FBXO8: variants seen among roughly 807,000 people sequenced by gnomAD.
FBXO8 encodes the protein F-box protein 8, also known as F-box only protein 8.
A neutral mutation model predicts 33.4 loss-of-function variants in FBXO8; 15 were observed. The observed-to-expected ratio is 0.45, with a 90% confidence interval of 0.30 to 0.69. The LOEUF is 0.69. Ranked by LOEUF, FBXO8 falls within the 30% of genes least tolerant of loss-of-function variation. FBXO8 has a pLI of 0.08. For synonymous variants in FBXO8, 132 were observed against 131.5 expected (o/e 1.00, Z -0.02); for missense variants, 274 against 380.3 (o/e 0.72, Z 2.32).
chr4:174,268,687 T>C lies in FBXO8; in HGVS notation c.-8-5587A>G, dbSNP rs372596414. The stretch of plus-strand genomic sequence containing the variant: ...TCCTGACCTCGTGATCCGCCCGCCT[T>C]GGCCTCCCAAAGTGCTGGGATTACA... On this transcript the variant is annotated intron_variant, in intron 1 of 5. Transcript: ENST00000393674. 1.0e-3 allele frequency among the ~76,000 whole-genome samples: 154 copies of C among 151,898 alleles called. No individual in the cohort carries two copies. In the East Asian group the frequency reaches 0.011, roughly 11 times the overall value.
At chr4:174,268,209 AT>A (rs1433912763) in intron 1 of FBXO8, among the ~76,000 whole-genome samples, 2 of 152,130 alleles carry the variant, frequency 1.3e-5, no homozygotes, top group Non-Finnish European at 2.9e-5. Flanking sequence ...TATTCACAAT[AT>A]TTTCATTAAC....
Position 174,262,876 on chromosome 4 carries a change from T to C in FBXO8, c.217A>G (p.Met73Val), listed in dbSNP as rs147248654. ...GTAAAGCTTAGCTCAGGAGGCAACA[T>C]TTCCAAATTAATGAATCCTTCCTGT... The part of the protein sequence containing the change: ...KEQEGFINLE[M>V]LPPELSFTIL... Residue 73 changes from methionine (M) to valine (V), a missense_variant, in exon 2 of 6, where the codon ATG becomes GTG. Around this residue, in one of 2 missense-constraint regions of FBXO8, gnomAD observed 88 missense variants for 86.9 expected, o/e 1.01. Transcript: ENST00000393674. This position sits in a 1 kb window ranked among gnomAD's most constrained non-coding sequence, Gnocchi z 4.6. 1.2e-6 allele frequency: 2 copies of C among 1,613,932 alleles called. No homozygotes were observed. Among genetic ancestry groups the C allele is most frequent in the African/African-American group, 1.3e-5 (1 of 74,906 alleles).
chr4:174,258,420 T>C (rs563959851), intron 3 of FBXO8, among the ~76,000 whole-genome samples: 3 of 152,342 alleles, frequency 2.0e-5, no homozygotes, highest in Non-Finnish European at 1.5e-5. Context: ...AGCAATATTA[T>C]ATTGGTAAAT....
In FBXO8 at chr4:174,270,773, G is replaced by A. The variant is rs2126445220; in HGVS notation, c.-8-7673C>T. Among the ~76,000 whole-genome samples the A allele has an allele frequency of 6.6e-6, 1 of 152,022 alleles. No individual in the cohort carries two copies. Among genetic ancestry groups the A allele is most frequent in the East Asian group, 1.9e-4 (1 of 5,170 alleles). On this transcript the variant is annotated intron_variant, in intron 1 of 5. Coordinates refer to ENST00000393674, the MANE Select transcript of FBXO8 (RefSeq NM_012180.3). This position sits in a 1 kb window ranked among gnomAD's most constrained non-coding sequence, Gnocchi z 4.6. Reference sequence around the variant, plus strand: ...TGGGATTACAGGCACCTGCCACCACGCCTGGCTAATTTTTGTATTTTTAGT... The same window carrying A: ...TGGGATTACAGGCACCTGCCACCACACCTGGCTAATTTTTGTATTTTTAGT...
chr4:174,259,673 T>A lies in FBXO8; in HGVS notation c.456+26A>T. ...CAAGATAGTAATAAAGGTCACTGGA[T>A]ACAAATATTCAAGTTCTTCACTAAC... is the stretch of plus-strand genomic sequence containing the variant. On this transcript the variant is annotated intron_variant, in intron 3 of 5. Transcript: ENST00000393674. The surrounding 1 kb of genome is among the most constrained non-coding windows in gnomAD (Gnocchi z 4.3). The A allele has an allele frequency of 6.2e-7, 1 of 1,603,244 alleles. No homozygotes were observed. The highest frequency in any genetic ancestry group is 1.1e-5 in the South Asian group (1 of 88,862).
rs1400843766 is a variant in FBXO8 at position 174,241,718 on chromosome 4, TTAAAG to T, written c.457-505_457-501del. Reference sequence around the variant, plus strand: ...GGAGAAAAATATTAAATTATTTAACTTAAAGTAAAGGAAGCCCAACTCCAAACCAA... The same window carrying T: ...GGAGAAAAATATTAAATTATTTAACTTAAAGGAAGCCCAACTCCAAACCAA... On this transcript the variant is annotated intron_variant, in intron 3 of 5. Transcript: ENST00000393674. This position sits in a 1 kb window ranked among gnomAD's most constrained non-coding sequence, Gnocchi z 4.2. Among the ~76,000 whole-genome samples, 1 of 151,560 alleles carries T rather than the reference TTAAAG, an allele frequency of 6.6e-6. No individual in the cohort carries two copies. Among genetic ancestry groups the T allele is most frequent in the East Asian group, 1.9e-4 (1 of 5,196 alleles).
At chr4:174,264,513 GGC>G (rs1374082643) in intron 1 of FBXO8, among the ~76,000 whole-genome samples, 2 of 151,996 alleles carry the variant, frequency 1.3e-5, no homozygotes, top group African/African-American at 4.8e-5. Context: ...TTTGGGTAAT[GGC>G]CACTAAATTC....
At chr4:174,279,688 TA>T (rs1274182792) in intron 1 of FBXO8, among the ~76,000 whole-genome samples, 1 of 151,996 alleles carries the variant, frequency 6.6e-6, no homozygotes, top group Admixed American at 6.6e-5. Context: ...AATCCAGAAA[TA>T]AACCATCACA....
At chr4:174,242,183 G>A (rs767821949) in intron 3 of FBXO8, among the ~76,000 whole-genome samples, 10 of 151,520 alleles carry the variant, frequency 6.6e-5, no homozygotes, top group Admixed American at 1.3e-4. Context: ...AGAAAATGAC[G>A]TATTATATAC....
Position 174,270,184 on chromosome 4 carries a change from TATTAA to T in FBXO8, c.-8-7089_-8-7085del, listed in dbSNP as rs577253935. Reference sequence around the variant, plus strand: ...CACATTAGCCGAGACAGAGCTATTTTATTAAATTAATCTCATGTATAAGAATTTCA... The same window carrying T: ...CACATTAGCCGAGACAGAGCTATTTTATTAATCTCATGTATAAGAATTTCA... On this transcript the variant is annotated intron_variant, in intron 1 of 5. Coordinates refer to ENST00000393674, the MANE Select transcript of FBXO8 (RefSeq NM_012180.3). This position sits in a 1 kb window ranked among gnomAD's most constrained non-coding sequence, Gnocchi z 4.6. Among the ~76,000 whole-genome samples the T allele has an allele frequency of 4.1e-4, 63 of 152,370 alleles. 2 individuals carry two copies. In the South Asian group the frequency reaches 0.011, roughly 27 times the overall value.
chr4:174,242,293 A>G (rs1472995764), intron 3 of FBXO8, among the ~76,000 whole-genome samples: 1 of 151,620 alleles, frequency 6.6e-6, no homozygotes, highest in African/African-American at 2.4e-5. Flanking sequence ...AAGAATTTTA[A>G]AAGTTGGAAG....
At position 174,255,628 on chromosome 4, in the gene FBXO8, T is replaced by C. The variant is rs116696972; in HGVS notation, c.456+4071A>G. Among the ~76,000 whole-genome samples, 2,036 of 151,616 alleles carry C rather than the reference T, an allele frequency of 0.013. 19 individuals are homozygous for C. Among genetic ancestry groups the C allele is most frequent in the African/African-American group, 0.02 (838 of 41,414 alleles). On this transcript the variant is annotated intron_variant, in intron 3 of 5. Coordinates refer to ENST00000393674, the MANE Select transcript of FBXO8 (RefSeq NM_012180.3). The surrounding 1 kb of genome is among the most constrained non-coding windows in gnomAD (Gnocchi z 4.3). ...TTGTTATCTGACCCCAATGAGGATATTTAAAACAAAAACTGTTTAAAAACA... is the reference window on the plus strand; with the variant it reads ...TTGTTATCTGACCCCAATGAGGATACTTAAAACAAAAACTGTTTAAAAACA...
At position 174,256,321 on chromosome 4, in the gene FBXO8, A is replaced by G. The variant is rs1037990889; in HGVS notation, c.456+3378T>C. On this transcript the variant is annotated intron_variant, in intron 3 of 5. Coordinates refer to ENST00000393674, the MANE Select transcript of FBXO8 (RefSeq NM_012180.3). The surrounding 1 kb of genome is among the most constrained non-coding windows in gnomAD (Gnocchi z 4.6). Reference sequence around the variant, plus strand: ...TTAAACGTATCATCAAAACTAATTTACTGCTCAGAGTTAAATGAACCTAAA... The same window carrying G: ...TTAAACGTATCATCAAAACTAATTTGCTGCTCAGAGTTAAATGAACCTAAA... Among the ~76,000 whole-genome samples the G allele has an allele frequency of 6.6e-6, 1 of 152,174 alleles. No individual in the cohort carries two copies. The highest frequency in any genetic ancestry group is 2.4e-5 in the African/African-American group (1 of 41,430).
At chr4:174,250,552 A>G (rs1736262488) in intron 3 of FBXO8, among the ~76,000 whole-genome samples, 1 of 152,108 alleles carries the variant, frequency 6.6e-6, no homozygotes. Context: ...AAATCTTAGG[A>G]ATTTTGTTAT....
At chr4:174,248,586 T>G (rs1400984697) in intron 3 of FBXO8, among the ~76,000 whole-genome samples, 1 of 152,038 alleles carries the variant, frequency 6.6e-6, no homozygotes, top group Non-Finnish European at 1.5e-5. Context: ...GTGGGAGAAT[T>G]AACAGCTGTG....
rs1736571614 is a variant in FBXO8, at chr4:174,261,865, ATTTGT to A, written c.329+894_329+898del. 6.6e-6 allele frequency among the ~76,000 whole-genome samples: 1 copy of A among 152,184 alleles called. No individual in the cohort carries two copies. The highest frequency in any genetic ancestry group is 2.4e-5 in the African/African-American group (1 of 41,570). ...AAATTATAGGAAGTCTTAAAAAGAT[ATTTGT>A]TTTTAGTTATAGTCTATATTTTTAT... On this transcript the variant is annotated intron_variant, in intron 2 of 5. Transcript: ENST00000393674. This position sits in a 1 kb window ranked among gnomAD's most constrained non-coding sequence, Gnocchi z 4.1.
In FBXO8 at chr4:174,255,386, A is replaced by G. The variant is rs1232402010; in HGVS notation, c.456+4313T>C. Among the ~76,000 whole-genome samples the G allele has an allele frequency of 6.6e-6, 1 of 152,176 alleles. No homozygotes were observed. The highest frequency in any genetic ancestry group is 6.6e-5 in the Admixed American group (1 of 15,260). ...ATGCTTTCTATAATGGAGAACTACA[A>G]ATTTCCTGTTTATACTTTAGCTGGT... On this transcript the variant is annotated intron_variant, in intron 3 of 5. Coordinates refer to ENST00000393674, the MANE Select transcript of FBXO8 (RefSeq NM_012180.3). The surrounding 1 kb of genome is among the most constrained non-coding windows in gnomAD (Gnocchi z 4.3).
rs1231996007 is a variant in FBXO8, at chr4:174,241,604, A to AG, written c.457-387dup. 1.3e-5 allele frequency among the ~76,000 whole-genome samples: 2 copies of AG among 151,580 alleles called. No individual in the cohort carries two copies. Among genetic ancestry groups the AG allele is most frequent in the Non-Finnish European group, 3.0e-5 (2 of 67,578 alleles). On this transcript the variant is annotated intron_variant, in intron 3 of 5. Coordinates refer to ENST00000393674, the MANE Select transcript of FBXO8 (RefSeq NM_012180.3). The surrounding 1 kb of genome is among the most constrained non-coding windows in gnomAD (Gnocchi z 4.2). ...TCTAATACAAAACATGATTTCTTAA[A>AG]GCTCACATATATATTGCAGTATGCC...
intron 3 of FBXO8, among the ~76,000 whole-genome samples, chr4:174,242,745 T>C (rs757671235): frequency 7.9e-5 from 12 of 151,524 alleles, no homozygotes; most frequent in Non-Finnish European, 1.3e-4. Context: ...TAGAAAACTG[T>C]TAATGCTTGT....
Sources: allele counts gnomAD v4.1 joint callset (sites outside exome capture counted in the v4.1 genomes callset), GRCh38; gene constraint gnomAD v4.1.1; regional missense constraint gnomAD v4.1.1; non-coding constraint Gnocchi (gnomAD v3.1); transcripts MANE v1.5; gene names NCBI Gene and HGNC (gene_info 2026-07-23, HGNC 2026-07-21).